Variants in ZNF383 observed in about 807,000 individuals in gnomAD.
ZNF383 encodes the protein zinc finger protein 383.
Under a neutral mutation model 44.2 loss-of-function variants are expected in ZNF383, and 32 were observed. The ratio of observed to expected loss-of-function variants is 0.72; its 90% CI spans 0.55 to 0.97. The LOEUF (loss-of-function observed/expected upper bound fraction) is 0.97, where lower values mean the gene tolerates loss of function less well. ZNF383 is among the 50% of genes least tolerant of loss of function. The probability of loss-of-function intolerance (pLI) is 0.00; values close to 1 mark genes in which losing one functional copy is unlikely to be tolerated. For synonymous variants in ZNF383, 155 were observed against 186.2 expected (o/e 0.83, Z 1.36); for missense variants, 487 against 562.5 (o/e 0.87, Z 1.36).
chr19:37,226,259 T>C (rs1033241968), intron 2 of ZNF383, among the ~76,000 whole-genome samples: 2 of 152,068 alleles, frequency 1.3e-5, no homozygotes, highest in African/African-American at 4.8e-5. Flanking sequence ...AGATTTCCCA[T>C]ACACGTCTTT....
chr19:37,236,602 G>A (rs913598216), intron 5 of ZNF383, among the ~76,000 whole-genome samples: 4 of 147,196 alleles, frequency 2.7e-5, no homozygotes, highest in Middle Eastern at 3.7e-3. Flanking sequence ...ACGGAGTCTC[G>A]CTCCGTCGCT....
chr19:37,241,281 C>T (rs1220436239), intron 5 of ZNF383, among the ~76,000 whole-genome samples: 1 of 152,204 alleles, frequency 6.6e-6, no homozygotes, highest in African/African-American at 2.4e-5. Flanking sequence ...AGTCCCCCGG[C>T]TACCTGCAGG....
At chr19:37,242,055 T>TATAGTATCTATACTATATATAGTGTAG in intron 5 of ZNF383, among the ~76,000 whole-genome samples, 1 of 66,802 alleles carries the variant, frequency 1.5e-5, no homozygotes, top group South Asian at 5.1e-4. Flanking sequence ...AGATACTATA[T>TATAGTATCTATACTATATATAGTGTAG]ATACTATATA....
Position 37,236,048 on chromosome 19 carries a change from G to A in ZNF383, c.206G>A (p.Arg69Lys). 1 of 1,613,876 alleles carries A rather than the reference G, an allele frequency of 6.2e-7. No individual in the cohort carries two copies. ...GGGAAAGAGCCCTGGATGGTTGGCA[G>A]AGAGCTTACAAGAGGCCTGTGTTCA... ...EQGKEPWMVG[R>K]ELTRGLCSDL... The change falls in exon 5 of 6, where the codon AGA becomes AAA. Residue 69 changes from arginine (R) to lysine (K), a missense_variant. Arg to Lys is a conservative substitution (Grantham distance 26). Coordinates refer to ENST00000684119, the MANE Select transcript of ZNF383 (RefSeq NM_001387601.1).
chr19:37,237,614 T>C (rs150091311), intron 5 of ZNF383, among the ~76,000 whole-genome samples: 3 of 152,310 alleles, frequency 2.0e-5, no homozygotes, highest in African/African-American at 7.2e-5. Context: ...TACAGCAGAA[T>C]ACCTCACATC....
intron 1 of ZNF383, among the ~76,000 whole-genome samples, chr19:37,224,568 G>T (rs983872624): frequency 6.6e-6 from 1 of 150,750 alleles, no homozygotes; most frequent in Non-Finnish European, 1.5e-5. Context: ...TTCTTTTTTT[G>T]AGAGACGGGC....
chr19:37,220,119 C>T (rs1183193846), intron 1 of ZNF383, among the ~76,000 whole-genome samples: 1 of 152,186 alleles, frequency 6.6e-6, no homozygotes, highest in Non-Finnish European at 1.5e-5. Context: ...TAGTAAGTTT[C>T]CTATGCACAT....
At chr19:37,231,981 A>C (rs909358407) in intron 3 of ZNF383, among the ~76,000 whole-genome samples, 3 of 152,214 alleles carry the variant, frequency 2.0e-5, no homozygotes, top group Non-Finnish European at 4.4e-5. Flanking sequence ...TTTGATAAAC[A>C]TTAACTATTT....
chr19:37,218,537 T>G (rs1972778715), intron 1 of ZNF383, among the ~76,000 whole-genome samples: 1 of 152,074 alleles, frequency 6.6e-6, no homozygotes, highest in African/African-American at 2.4e-5. Flanking sequence ...TGTCCCGTGT[T>G]GGGACTGTGA....
intron 1 of ZNF383, among the ~76,000 whole-genome samples, chr19:37,220,818 T>G (rs1972888155): frequency 6.6e-6 from 1 of 152,158 alleles, no homozygotes; most frequent in Admixed American, 6.5e-5. Context: ...TTTGTTTTGT[T>G]TTTTACCACA....
At chr19:37,226,461 T>A (rs1973174925) in intron 2 of ZNF383, 1 of 152,194 alleles carries the variant, frequency 6.6e-6, no homozygotes, top group African/African-American at 2.4e-5. Flanking sequence ...CCACATTAAT[T>A]CCATTGCTCT....
intron 2 of ZNF383, among the ~76,000 whole-genome samples, chr19:37,225,957 C>CTTTTTTTTTTTTTTTTTTTTTTTTTTTT (rs35639012): frequency 7.2e-6 from 1 of 138,084 alleles, no homozygotes; most frequent in Non-Finnish European, 1.6e-5. Flanking sequence ...GTCTAACTAA[C>CTTTTTTTTTTTTTTTTTTTTTTTTTTTT]TTTTTTTTTT....
intron 3 of ZNF383, among the ~76,000 whole-genome samples, chr19:37,231,053 G>A (rs538705634): frequency 6.6e-6 from 1 of 152,308 alleles, no homozygotes; most frequent in African/African-American, 2.4e-5. Context: ...AGGAATTTCT[G>A]TGAATCATTG....
chr19:37,221,955 CAAA>C (rs71177435), intron 1 of ZNF383, among the ~76,000 whole-genome samples: 2 of 93,962 alleles, frequency 2.1e-5, no homozygotes, highest in Admixed American at 1.2e-4. Context: ...GACTCTGTCT[CAAA>C]AAAAAAAAAA....
chr19:37,220,189 AC>A (rs1972850044), intron 1 of ZNF383, among the ~76,000 whole-genome samples: 1 of 152,172 alleles, frequency 6.6e-6, no homozygotes, highest in Non-Finnish European at 1.5e-5. Flanking sequence ...TTGTATTTTC[AC>A]TAAAAATTAT....
At chr19:37,237,293 TG>T (rs1289898647) in intron 5 of ZNF383, among the ~76,000 whole-genome samples, 1 of 152,046 alleles carries the variant, frequency 6.6e-6, no homozygotes, top group African/African-American at 2.4e-5. Context: ...TATGTAGAAG[TG>T]GAATTAATCC....
intron 3 of ZNF383, among the ~76,000 whole-genome samples, chr19:37,233,969 AT>A (rs1369192503): frequency 1.3e-5 from 2 of 151,898 alleles, no homozygotes; most frequent in African/African-American, 2.4e-5. Flanking sequence ...GGTTCAAGCG[AT>A]TCTCCTGCCT....
chr19:37,220,027 A>G (rs1972843059), intron 1 of ZNF383, among the ~76,000 whole-genome samples: 1 of 152,184 alleles, frequency 6.6e-6, no homozygotes, highest in Non-Finnish European at 1.5e-5. Context: ...ACACAATTCC[A>G]AAGAATTTAG....
At position 37,224,477 on chromosome 19, in the gene ZNF383, G is replaced by A. The variant is rs558789109; in HGVS notation, c.-167-341G>A. 2.0e-5 allele frequency among the ~76,000 whole-genome samples: 3 copies of A among 152,178 alleles called. No individual in the cohort carries two copies. The East Asian group carries it at 5.8e-4, about 29-fold the overall frequency. ...CTTGGTTCCACAAAATAAGCTCATT[G>A]GAATCTGAGCCACTGATCATTATAC... On this transcript the variant is annotated intron_variant, in intron 1 of 5. Coordinates refer to ENST00000684119, the MANE Select transcript of ZNF383 (RefSeq NM_001387601.1).
Sources: allele counts gnomAD v4.1 joint callset (sites outside exome capture counted in the v4.1 genomes callset), GRCh38; gene constraint gnomAD v4.1.1; transcripts MANE v1.5; gene names NCBI Gene and HGNC (gene_info 2026-07-23, HGNC 2026-07-21).